The following CFAP20DC variants were observed in gnomAD, a reference collection of about 807,000 sequenced individuals.
CFAP20DC encodes the protein protein CFAP20DC.
In CFAP20DC, 84 loss-of-function variants were observed where a neutral mutation model predicts 101.7. The observed-to-expected ratio is 0.83, with a 90% CI of 0.69 to 0.99. CFAP20DC has a LOEUF of 0.99. CFAP20DC is among the 50% of genes least tolerant of loss of function. CFAP20DC has a pLI of 0.00. For synonymous variants in CFAP20DC, 359 were observed against 351.2 expected (o/e 1.02, Z -0.25); for missense variants, 1,007 against 970.3 (o/e 1.04, Z -0.50).
intron 4 of CFAP20DC, chr3:58,992,583 T>C: frequency 4.1e-6 from 4 of 984,514 alleles, no homozygotes; most frequent in Non-Finnish European, 4.8e-6. Context: ...TTCATATCTC[T>C]TGGGAAAAGA....
intron 14 of CFAP20DC, among the ~76,000 whole-genome samples, chr3:58,818,988 C>T (rs1437997688): frequency 6.6e-6 from 1 of 150,966 alleles, no homozygotes; most frequent in Non-Finnish European, 1.5e-5. Context: ...TTAAGAATCT[C>T]ACTCAAACCC....
At chr3:58,984,472 CAG>C (rs1327741218) in intron 4 of CFAP20DC, among the ~76,000 whole-genome samples, 1 of 152,184 alleles carries the variant, frequency 6.6e-6, no homozygotes, top group Non-Finnish European at 1.5e-5. Context: ...CATCACACTG[CAG>C]AGAGATGTAG....
At chr3:59,032,679 A>G (rs1006354872) in intron 4 of CFAP20DC, among the ~76,000 whole-genome samples, 99 of 152,318 alleles carry the variant, frequency 6.5e-4, no homozygotes, top group African/African-American at 2.3e-3. Context: ...CATCTCCAAA[A>G]GAAAGGCAGC....
intron 15 of CFAP20DC, among the ~76,000 whole-genome samples, chr3:58,774,336 C>T (rs2071127224): frequency 6.6e-6 from 1 of 152,166 alleles, no homozygotes; most frequent in Non-Finnish European, 1.5e-5. Flanking sequence ...AGCATTTTCC[C>T]TAAATATTCA....
At chr3:58,901,988 A>G (rs1237321418) in intron 6 of CFAP20DC, among the ~76,000 whole-genome samples, 2 of 152,144 alleles carry the variant, frequency 1.3e-5, no homozygotes, top group Non-Finnish European at 2.9e-5. Flanking sequence ...TATTCTGGAT[A>G]TTTCATAAAA....
intron 4 of CFAP20DC, among the ~76,000 whole-genome samples, chr3:58,957,385 C>G (rs2090732489): frequency 6.6e-6 from 1 of 152,024 alleles, no homozygotes; most frequent in Non-Finnish European, 1.5e-5. Context: ...AAATGGTAAC[C>G]CTTGTACACT....
rs1177425768 is a variant in CFAP20DC at position 59,006,718 on chromosome 3, G to A, written c.278+32839C>T. 5.3e-5 allele frequency among the ~76,000 whole-genome samples: 8 copies of A among 152,166 alleles called. No homozygotes were observed. Among genetic ancestry groups the A allele is most frequent in the Non-Finnish European group, 1.2e-4 (8 of 68,030 alleles). Reference sequence around the variant, plus strand: ...TGACAATATCTCATAGAGGCCCTAGGGGAAGACAGCCAGCAGAATTAGGGA... The same window carrying A: ...TGACAATATCTCATAGAGGCCCTAGAGGAAGACAGCCAGCAGAATTAGGGA... On this transcript the variant is annotated intron_variant, in intron 4 of 16. Transcript: ENST00000482387. This position sits in a 1 kb window ranked among gnomAD's most constrained non-coding sequence, Gnocchi z 4.3.
At chr3:58,745,806 C>T (rs2068152721) in intron 16 of CFAP20DC, among the ~76,000 whole-genome samples, 1 of 152,148 alleles carries the variant, frequency 6.6e-6, no homozygotes, top group Admixed American at 6.6e-5. Context: ...TGGAGTCAGA[C>T]AAACTCAGGT....
At chr3:58,866,437 A>G (rs1365055737) in intron 11 of CFAP20DC, 129 bp downstream of exon 11, 5 of 698,972 alleles carry the variant, frequency 7.2e-6, no homozygotes, top group Non-Finnish European at 1.1e-5. Flanking sequence ...AAATAAGAAG[A>G]TTTACACAAA....
In CFAP20DC at chr3:59,001,804, C is replaced by T. The variant is rs911418080; in HGVS notation, c.278+37753G>A. Among the ~76,000 whole-genome samples the T allele has an allele frequency of 1.3e-5, 2 of 152,048 alleles. No homozygotes were observed. Among genetic ancestry groups the T allele is most frequent in the Non-Finnish European group, 1.5e-5 (1 of 68,008 alleles). ...CAGGCAGTAGTCTGATTAGGGGTGG[C>T]CTCAGGGAAGAAAGGGAAGTACCTG... On this transcript the variant is annotated intron_variant, in intron 4 of 16. Transcript: ENST00000482387. This position sits in a 1 kb window ranked among gnomAD's most constrained non-coding sequence, Gnocchi z 4.5.
At chr3:59,045,236 T>G (rs1038966638) in intron 3 of CFAP20DC, among the ~76,000 whole-genome samples, 2 of 151,948 alleles carry the variant, frequency 1.3e-5, no homozygotes, top group African/African-American at 4.8e-5. Flanking sequence ...AAATGGCACA[T>G]AAAGCACAGA....
In CFAP20DC at chr3:58,729,588, C is replaced by G. The variant is rs1285386914; in HGVS notation, c.198-11960G>C. Among the ~76,000 whole-genome samples, 1 of 152,150 alleles carries G rather than the reference C, an allele frequency of 6.6e-6. No individual in the cohort carries two copies. The highest frequency in any genetic ancestry group is 1.5e-5 in the Non-Finnish European group (1 of 68,026). On this transcript the variant is annotated intron_variant, in intron 3 of 3. Coordinates refer to the CFAP20DC transcript ENST00000486145. The surrounding 1 kb of genome is among the most constrained non-coding windows in gnomAD (Gnocchi z 4.4). ...TCTATGAATGCAATAATGTCATCTG[C>G]AAATAATGACAGTGTTGTGTCTTTC...
chr3:58,946,185 C>T (rs1212843170), intron 4 of CFAP20DC, among the ~76,000 whole-genome samples: 3 of 146,312 alleles, frequency 2.1e-5, no homozygotes, highest in South Asian at 2.2e-4. Context: ...GACGTGATCT[C>T]GGCTCACTGC....
intron 15 of CFAP20DC, among the ~76,000 whole-genome samples, chr3:58,777,878 A>G (rs183533264): frequency 1.0e-3 from 156 of 152,304 alleles, no homozygotes; most frequent in African/African-American, 3.6e-3. Context: ...TTCATGCTCA[A>G]TCCTACAAAC....
intron 14 of CFAP20DC, among the ~76,000 whole-genome samples, chr3:58,830,125 A>G (rs774210973): frequency 1.3e-5 from 2 of 152,172 alleles, no homozygotes; most frequent in Non-Finnish European, 2.9e-5. Context: ...TGTTATGTAT[A>G]TTTGATAGTT....
rs576020996 is a variant in CFAP20DC at position 59,000,496 on chromosome 3, C to A, written c.278+39061G>T. The stretch of plus-strand genomic sequence containing the variant: ...GGAAACAATAACCTGATAGTAAGAT[C>A]TGGAAATAAAATCTTTACCAAGGTA... On this transcript the variant is annotated intron_variant, in intron 4 of 16. Transcript: ENST00000482387. Among the ~76,000 whole-genome samples, 3 of 152,198 alleles carry A rather than the reference C, an allele frequency of 2.0e-5. No individual in the cohort carries two copies. In the South Asian group the frequency reaches 6.2e-4, roughly 32 times the overall value.
At chr3:58,735,764 A>T (rs546267086) in intron 3 of CFAP20DC, among the ~76,000 whole-genome samples, 1 of 152,340 alleles carries the variant, frequency 6.6e-6, no homozygotes, top group East Asian at 1.9e-4. Context: ...ATTGAAAGCA[A>T]CAACTAGCAA....
intron 4 of CFAP20DC, among the ~76,000 whole-genome samples, chr3:58,967,320 GA>G (rs931502160): frequency 7.9e-5 from 12 of 151,934 alleles, no homozygotes; most frequent in Non-Finnish European, 1.5e-4. Context: ...ACATGCAAAA[GA>G]AAAAAATTTG....
At chr3:58,933,841 C>T (rs533928921) in intron 5 of CFAP20DC, among the ~76,000 whole-genome samples, 1 of 151,832 alleles carries the variant, frequency 6.6e-6, no homozygotes, top group South Asian at 2.1e-4. Context: ...AATTGACACC[C>T]TAACATCACA....
Sources: gnomAD v4.1 joint callset for allele counts (sites outside exome capture counted in the v4.1 genomes callset) on GRCh38, gnomAD v4.1.1 for gene constraint, Gnocchi (gnomAD v3.1) non-coding constraint, MANE v1.5 for transcripts, NCBI Gene and HGNC (gene_info 2026-07-23, HGNC 2026-07-21) for gene names.